Variants in TARBP1 observed in about 807,000 individuals in gnomAD.
TARBP1 encodes the protein tRNA guanosine 2 -O-methyltransferase TARBP1, also known as tRNA (guanosine(18)-2'-O)-methyltransferase TARBP1.
Under a neutral mutation model 178.6 loss-of-function variants are expected in TARBP1, and 144 were observed. The ratio of observed to expected loss-of-function variants is 0.81; its 90% CI spans 0.70 to 0.93. The LOEUF (loss-of-function observed/expected upper bound fraction) is 0.93. Among genes scored for constraint, TARBP1 ranks in the 40% least tolerant of loss-of-function variants. The probability of loss-of-function intolerance (pLI) is 0.00; values close to 1 mark genes in which losing one functional copy is unlikely to be tolerated. For synonymous variants in TARBP1, 787 were observed against 781.0 expected, an observed-to-expected ratio of 1.01 and a Z score of -0.13; for missense variants, 2,067 against 2,011.7, an observed-to-expected ratio of 1.03 and a Z score of -0.53.
At chr1:234,453,904 A>G (rs1667034821) in intron 9 of TARBP1, among the ~76,000 whole-genome samples, 1 of 152,198 alleles carries the variant, frequency 6.6e-6, no homozygotes, top group Non-Finnish European at 1.5e-5. Flanking sequence ...ATAGTTCTCA[A>G]CAAATGACTC....
intron 9 of TARBP1, among the ~76,000 whole-genome samples, chr1:234,451,092 T>A (rs777420804): frequency 5.9e-5 from 9 of 152,212 alleles, no homozygotes; most frequent in Non-Finnish European, 1.2e-4. Flanking sequence ...TTATTTTCTA[T>A]CATACGTGCA....
chr1:234,443,414 C>A (rs1366821218), intron 12 of TARBP1, among the ~76,000 whole-genome samples: 1 of 151,974 alleles, frequency 6.6e-6, no homozygotes, highest in Non-Finnish European at 1.5e-5. Flanking sequence ...CAGTCAAAAT[C>A]ATGATGAAGT....
In TARBP1 at chr1:234,406,058, C is replaced by G. The variant is rs766753804; in HGVS notation, c.3834G>C (p.Trp1278Cys). The change falls in exon 24 of 30, where the codon TGG (tryptophan) becomes TGC (cysteine). Residue 1278 changes from tryptophan to cysteine, a missense_variant. Coordinates refer to ENST00000040877, the MANE Select transcript of TARBP1 (RefSeq NM_005646.4). ...GAACACTAAAATTGTGATTGAAACACCACTGCAGCACAACTATAAGGGCTT... is the reference window on the plus strand; with the variant it reads ...GAACACTAAAATTGTGATTGAAACAGCACTGCAGCACAACTATAAGGGCTT... ...LKQALIVVLQ[W>C]CFNHNFSVRL... 4 of 1,614,044 alleles carry G rather than the reference C, an allele frequency of 2.5e-6. No individual in the cohort carries two copies. The highest frequency in any genetic ancestry group is 3.4e-6 in the Non-Finnish European group (4 of 1,180,036).
Position 234,463,945 on chromosome 1 carries a change from A to G in TARBP1, c.1302-11T>C. ...GGCTGGCCTGGGGACCTACAAACAG[A>G]GAGTGGGGAAAACAAATATTTAACA... is the stretch of plus-strand genomic sequence containing the variant. On this transcript the variant is annotated splice_polypyrimidine_tract_variant and intron_variant, in intron 5 of 29. Coordinates refer to ENST00000040877, the MANE Select transcript of TARBP1 (RefSeq NM_005646.4). 6.5e-7 allele frequency: 1 copy of G among 1,528,092 alleles called. No homozygotes were observed. The highest frequency in any genetic ancestry group is 8.8e-7 in the Non-Finnish European group (1 of 1,132,712). The allele number at this position is 1,528,092 out of a possible 1,614,324, so 94.7% of individuals were successfully genotyped here. A position where few individuals can be genotyped will look rare whatever the true frequency, so the allele number is the denominator to read the frequency against.
chr1:234,458,972 T>C (rs1015637637), intron 8 of TARBP1, among the ~76,000 whole-genome samples: 1 of 152,218 alleles, frequency 6.6e-6, no homozygotes, highest in East Asian at 1.9e-4. Flanking sequence ...ATAAACCACA[T>C]TGAACAAACA....
At chr1:234,400,491 A>C (rs1343735206) in intron 25 of TARBP1, among the ~76,000 whole-genome samples, 2 of 152,218 alleles carry the variant, frequency 1.3e-5, no homozygotes, top group Non-Finnish European at 2.9e-5. Flanking sequence ...AATCCACCAA[A>C]AAAATTGCTT....
intron 2 of TARBP1, 150 bp downstream of exon 2, chr1:234,472,564 T>C (rs1669175136): frequency 7.3e-6 from 4 of 547,088 alleles, no homozygotes; most frequent in African/African-American, 6.0e-5. Context: ...ACACTCTAAG[T>C]TGCATTTATG....
At chr1:234,397,087 G>A (rs1283844778) in intron 26 of TARBP1, among the ~76,000 whole-genome samples, 1 of 148,662 alleles carries the variant, frequency 6.7e-6, no homozygotes, top group Non-Finnish European at 1.5e-5. Flanking sequence ...GTCAGAATGA[G>A]GCTAAAATGT....
chr1:234,427,078 G>A (rs753235626), intron 19 of TARBP1, among the ~76,000 whole-genome samples: 13 of 152,100 alleles, frequency 8.5e-5, no homozygotes, highest in Non-Finnish European at 1.3e-4. Context: ...CCTTGTTTAC[G>A]CTGGAGTCGG....
intron 8 of TARBP1, among the ~76,000 whole-genome samples, chr1:234,458,269 G>A (rs555307222): frequency 1.3e-5 from 2 of 152,276 alleles, no homozygotes; most frequent in South Asian, 4.1e-4. Context: ...ACTTGAACCT[G>A]GGAGGTGGAG....
At chr1:234,423,185 C>T (rs1663308061) in intron 20 of TARBP1, among the ~76,000 whole-genome samples, 1 of 152,196 alleles carries the variant, frequency 6.6e-6, no homozygotes, top group African/African-American at 2.4e-5. Flanking sequence ...TCTGTATTCC[C>T]ATTAGTGATG....
intron 12 of TARBP1, among the ~76,000 whole-genome samples, chr1:234,442,168 A>G (rs933556777): frequency 2.0e-5 from 3 of 152,176 alleles, no homozygotes; most frequent in Non-Finnish European, 4.4e-5. Context: ...ATCCTGTACG[A>G]CCTGGGGCTA....
intron 2 of TARBP1, among the ~76,000 whole-genome samples, chr1:234,472,448 G>T (rs978012675): frequency 6.6e-6 from 1 of 151,926 alleles, no homozygotes; most frequent in Non-Finnish European, 1.5e-5. Flanking sequence ...AGCCATTTGG[G>T]TGATACTGAT....
At chr1:234,445,503 G>A (rs557083057) in intron 12 of TARBP1, among the ~76,000 whole-genome samples, 2 of 152,124 alleles carry the variant, frequency 1.3e-5, no homozygotes, top group Non-Finnish European at 2.9e-5. Flanking sequence ...TGAAGGATAC[G>A]TCTATGGCCT....
chr1:234,424,933 T>C (rs1017221477), intron 20 of TARBP1, among the ~76,000 whole-genome samples: 3 of 151,996 alleles, frequency 2.0e-5, no homozygotes, highest in Non-Finnish European at 2.9e-5. Context: ...TGGTGGCGCA[T>C]GTCTGTAGTC....
intron 5 of TARBP1, among the ~76,000 whole-genome samples, chr1:234,465,227 G>A (rs1168713686): frequency 6.6e-6 from 1 of 152,172 alleles, no homozygotes; most frequent in South Asian, 2.1e-4. Flanking sequence ...AACATTCAGG[G>A]AATATGGGTG....
rs372401416 is a variant in TARBP1 at position 234,453,325 on chromosome 1, G to T, written c.1723-2759C>A. On this transcript the variant is annotated intron_variant, in intron 9 of 29. Transcript: ENST00000040877. Reference sequence around the variant, plus strand: ...TGTGGAAACTCTCTGTACTTTTTTTGTGTGTTTTTTTTTTTTTTTACATTA... The same window carrying T: ...TGTGGAAACTCTCTGTACTTTTTTTTTGTGTTTTTTTTTTTTTTTACATTA... Among the ~76,000 whole-genome samples the T allele has an allele frequency of 7.1e-3, 786 of 110,328 alleles. 6 individuals are homozygous for T. Among genetic ancestry groups the T allele is most frequent in the African/African-American group, 0.03 (701 of 23,232 alleles). The allele number at this position is 110,328 out of a possible 152,430, so 72.4% of individuals were successfully genotyped here. A position where few individuals can be genotyped will look rare whatever the true frequency, so the allele number is the denominator to read the frequency against.
intron 23 of TARBP1, chr1:234,407,341 C>CTTTTTTTTTTTTTTTTTT (rs543930869): frequency 1.7e-4 from 23 of 137,044 alleles, no homozygotes; most frequent in African/African-American, 6.3e-4. Flanking sequence ...CTTGTCCATC[C>CTTTTTTTTTTTTTTTTTT]TTTTTTTTTT....
Position 234,429,383 on chromosome 1 carries a change from T to A in TARBP1, c.2871+33A>T, listed in dbSNP as rs1558192613. 1.9e-6 allele frequency: 3 copies of A among 1,584,854 alleles called. No individual in the cohort carries two copies. In the South Asian group the frequency reaches 3.5e-5, roughly 19 times the overall value. On this transcript the variant is annotated intron_variant, in intron 16 of 29. Coordinates refer to ENST00000040877, the MANE Select transcript of TARBP1 (RefSeq NM_005646.4). ...AAAAACTTGATCGCCACTCCTATAG[T>A]TACTGTTCAATTCATGTTTCACTCT...
Sources: gnomAD v4.1 joint callset for allele counts (sites outside exome capture counted in the v4.1 genomes callset) on GRCh38, gnomAD v4.1.1 for gene constraint, MANE v1.5 for transcripts, NCBI Gene and HGNC (gene_info 2026-07-23, HGNC 2026-07-21) for gene names.